The following SLC66A2 variants were observed in gnomAD, a reference collection of about 807,000 sequenced individuals.
SLC66A2 encodes the protein PQ loop repeat containing 1.
Under a neutral mutation model 25.5 loss-of-function variants are expected in SLC66A2, and 23 were observed. The observed-to-expected ratio is 0.90, with a 90% CI of 0.65 to 1.28. The LOEUF (loss-of-function observed/expected upper bound fraction) is 1.28, where lower values mean the gene tolerates loss of function less well. Ranked by LOEUF, SLC66A2 falls within the 50% of genes most tolerant of loss-of-function variation. SLC66A2 has a pLI of 0.00. For missense variants in SLC66A2, 396 were observed against 373.1 expected (o/e 1.06, Z -0.51); for synonymous variants, 193 against 166.5 (o/e 1.16, Z -1.23).
chr18:79,919,378 C>T lies in SLC66A2; in HGVS notation c.414G>A (p.Trp138Ter). The T allele has an allele frequency of 6.2e-7, 1 of 1,613,038 alleles. No homozygotes were observed. Among genetic ancestry groups the T allele is most frequent in the Non-Finnish European group, 8.5e-7 (1 of 1,180,004 alleles). ...SFLDFDPHHF[W>*]QWSSFSDYVQ... ...CGTAGTCCGAGAAGCTGCTCCACTGCCAGAAGTGGTGGGGGTCGAAGTCTA... is the reference window on the plus strand; with the variant it reads ...CGTAGTCCGAGAAGCTGCTCCACTGTCAGAAGTGGTGGGGGTCGAAGTCTA... Residue 138 changes from tryptophan (W) to a stop codon, truncating the protein, a stop_gained, in exon 5 of 6, where the codon TGG becomes TGA. Transcript: ENST00000397778. LOFTEE classifies it high-confidence loss of function.
At chr18:79,939,117 T>C (rs1204799733) in intron 3 of SLC66A2, among the ~76,000 whole-genome samples, 1 of 152,258 alleles carries the variant, frequency 6.6e-6, no homozygotes, top group Non-Finnish European at 1.5e-5. Flanking sequence ...TTCTTTTATA[T>C]TAACTTTCAA....
At chr18:79,930,073 T>C (rs1417213305) in intron 4 of SLC66A2, among the ~76,000 whole-genome samples, 1 of 152,030 alleles carries the variant, frequency 6.6e-6, no homozygotes, top group Non-Finnish European at 1.5e-5. Flanking sequence ...TTCCCAAATA[T>C]GATGAAAATA....
intron 3 of SLC66A2, 96 bp downstream of exon 3, chr18:79,943,233 T>A: frequency 6.9e-7 from 1 of 1,442,286 alleles, no homozygotes; most frequent in African/African-American, 1.4e-5. Flanking sequence ...AAATGAAAGC[T>A]GCTTGGATCA....
intron 5 of SLC66A2, chr18:79,915,414 T>TCCGAG (rs1757828175): frequency 6.6e-6 from 1 of 152,132 alleles, no homozygotes; most frequent in East Asian, 1.9e-4. Flanking sequence ...ACTCCATCAC[T>TCCGAG]CCGAGCCGAC....
chr18:79,945,875 G>A (rs1422294888), intron 2 of SLC66A2, among the ~76,000 whole-genome samples: 6 of 152,306 alleles, frequency 3.9e-5, no homozygotes, highest in South Asian at 2.1e-4. Context: ...CCTGGGTGCC[G>A]GTCAACCCAC....
At chr18:79,929,583 A>G (rs1318461293) in intron 4 of SLC66A2, among the ~76,000 whole-genome samples, 2 of 152,332 alleles carry the variant, frequency 1.3e-5, no homozygotes, top group African/African-American at 4.8e-5. Context: ...AAAAAATAAT[A>G]AGCAGGACAC....
chr18:79,942,568 T>C (rs999545740), intron 3 of SLC66A2, among the ~76,000 whole-genome samples: 2 of 152,198 alleles, frequency 1.3e-5, no homozygotes, highest in Non-Finnish European at 2.9e-5. Flanking sequence ...CTCCAAGTGA[T>C]AGCTGAGATC....
chr18:79,912,675 G>A (rs1983414970), intron 5 of SLC66A2, among the ~76,000 whole-genome samples: 1 of 152,124 alleles, frequency 6.6e-6, no homozygotes, highest in South Asian at 2.1e-4. Context: ...TGCTTCCTGG[G>A]GTGCGGAAAA....
intron 3 of SLC66A2, among the ~76,000 whole-genome samples, chr18:79,939,281 G>A (rs1053721972): frequency 3.9e-5 from 6 of 152,106 alleles, no homozygotes; most frequent in African/African-American, 9.7e-5. Context: ...TGTCCTCATC[G>A]GTCTGCCAAG....
At chr18:79,945,600 G>A (rs981479275) in intron 2 of SLC66A2, among the ~76,000 whole-genome samples, 9 of 152,224 alleles carry the variant, frequency 5.9e-5, no homozygotes, top group South Asian at 2.1e-4. Context: ...TGATGGGCCC[G>A]GGGATAGAGG....
chr18:79,937,352 G>A lies in SLC66A2; in HGVS notation c.338-3330C>T, dbSNP rs765541539. Among the ~76,000 whole-genome samples the A allele has an allele frequency of 6.6e-5, 10 of 152,138 alleles. No individual in the cohort carries two copies. Among genetic ancestry groups the A allele is most frequent in the East Asian group, 1.9e-4 (1 of 5,194 alleles). On this transcript the variant is annotated intron_variant, in intron 3 of 5. Transcript: ENST00000397778. The surrounding 1 kb of genome is among the most constrained non-coding windows in gnomAD (Gnocchi z 5.4). Reference sequence around the variant, plus strand: ...CCAGCAGCATCTGACGCGGCTCCCCGGCCAGAGGGAAGAACTGGAGCATTA... The same window carrying A: ...CCAGCAGCATCTGACGCGGCTCCCCAGCCAGAGGGAAGAACTGGAGCATTA...
chr18:79,943,274 G>C, intron 3 of SLC66A2, 55 bp downstream of exon 3: 2 of 1,581,514 alleles, frequency 1.3e-6, no homozygotes, highest in Non-Finnish European at 8.6e-7. Context: ...TGTTTCACCA[G>C]AGTCACCTAC....
Position 79,941,701 on chromosome 18 carries a change from A to G in SLC66A2, c.337+1628T>C, listed in dbSNP as rs1987684486. ...CTTCTAGGGGTATCCCAGTGTTCCAACACACACTCACATTAAACCCCACGC... is the reference window on the plus strand; with the variant it reads ...CTTCTAGGGGTATCCCAGTGTTCCAGCACACACTCACATTAAACCCCACGC... On this transcript the variant is annotated intron_variant, in intron 3 of 5. Transcript: ENST00000397778. This position sits in a 1 kb window ranked among gnomAD's most constrained non-coding sequence, Gnocchi z 4.1. 6.6e-6 allele frequency: 1 copy of G among 152,234 alleles called. No individual in the cohort carries two copies. The highest frequency in any genetic ancestry group is 1.5e-5 in the Non-Finnish European group (1 of 68,064). 9.4% of individuals were successfully genotyped at this position (152,234 alleles called of 1,614,324 possible). A position where few individuals can be genotyped will look rare whatever the true frequency, so the allele number is the denominator to read the frequency against.
Position 79,917,671 on chromosome 18 carries a change from C to T in SLC66A2, c.608+1513G>A, listed in dbSNP as rs1488185271. ...GCCTTTTGGGCTCCACACCGAAGCCCTCAGGGCTGCCACTGCCCAACCCAA... is the reference window on the plus strand; with the variant it reads ...GCCTTTTGGGCTCCACACCGAAGCCTTCAGGGCTGCCACTGCCCAACCCAA... On this transcript the variant is annotated intron_variant, in intron 5 of 5. Coordinates refer to ENST00000397778, the MANE Select transcript of SLC66A2 (RefSeq NM_025078.5). This position sits in a 1 kb window ranked among gnomAD's most constrained non-coding sequence, Gnocchi z 6.0. 6.6e-6 allele frequency among the ~76,000 whole-genome samples: 1 copy of T among 152,066 alleles called. No homozygotes were observed. The highest frequency in any genetic ancestry group is 1.5e-5 in the Non-Finnish European group (1 of 67,962).
rs970617885 is a variant in SLC66A2 at position 79,917,564 on chromosome 18, C to T, written c.608+1620G>A. Among the ~76,000 whole-genome samples the T allele has an allele frequency of 2.0e-5, 3 of 152,114 alleles. No individual in the cohort carries two copies. Among genetic ancestry groups the T allele is most frequent in the Non-Finnish European group, 2.9e-5 (2 of 67,988 alleles). On this transcript the variant is annotated intron_variant, in intron 5 of 5. Coordinates refer to ENST00000397778, the MANE Select transcript of SLC66A2 (RefSeq NM_025078.5). The surrounding 1 kb of genome is among the most constrained non-coding windows in gnomAD (Gnocchi z 6.0). ...TGGGGTGGCTGGGGACGCCACACTCCGCCGGACAAGGCCCACGTCCAGCCG... is the reference window on the plus strand; with the variant it reads ...TGGGGTGGCTGGGGACGCCACACTCTGCCGGACAAGGCCCACGTCCAGCCG...
chr18:79,904,215 G>A lies in SLC66A2; in HGVS notation c.609-32C>T, dbSNP rs1981670914. ...AGACACAAGCAGGCGGTCAGCGGTG[G>A]GGAGGGCGGCGACCTGGGCTCAGTC... is the stretch of plus-strand genomic sequence containing the variant. On this transcript the variant is annotated intron_variant, in intron 5 of 5. Coordinates refer to ENST00000397778, the MANE Select transcript of SLC66A2 (RefSeq NM_025078.5). The surrounding 1 kb of genome is among the most constrained non-coding windows in gnomAD (Gnocchi z 6.3). 2 of 1,601,484 alleles carry A rather than the reference G, an allele frequency of 1.2e-6. No homozygotes were observed. The highest frequency in any genetic ancestry group is 2.2e-5 in the East Asian group (1 of 44,730).
Position 79,950,923 on chromosome 18 carries a change from C to G in SLC66A2, c.4G>C (p.Glu2Gln). The change falls in exon 2 of 6, where the codon GAG becomes CAG. Residue 2 changes from glutamate (E) to glutamine (Q), a missense_variant. Physicochemically the swap from Glu to Gln is conservative, Grantham distance 29. Transcript: ENST00000397778. ...AGGAGCCAGTCCAGGCCCTCGGCCT[C>G]CATCGCAGCGCCCGCCTGGCCGAGG... M[E>Q]AEGLDWLLVP... is the part of the protein sequence containing the mutation. The G allele has an allele frequency of 6.4e-7, 1 of 1,554,402 alleles. No homozygotes were observed. Among genetic ancestry groups the G allele is most frequent in the Non-Finnish European group, 8.7e-7 (1 of 1,148,764 alleles).
At chr18:79,945,962 C>A (rs555822800) in intron 2 of SLC66A2, among the ~76,000 whole-genome samples, 8 of 152,346 alleles carry the variant, frequency 5.3e-5, no homozygotes, top group African/African-American at 1.9e-4. Context: ...CACACGGAGG[C>A]CACTTCACAC....
chr18:79,942,150 C>T (rs71367559), intron 3 of SLC66A2, among the ~76,000 whole-genome samples: 3,545 of 152,316 alleles, frequency 0.023, 55 homozygotes, highest in African/African-American at 0.039. Flanking sequence ...TAAAAGCCTG[C>T]TTTCTAGGCA....
Sources: gnomAD v4.1 joint callset for allele counts (sites outside exome capture counted in the v4.1 genomes callset) on GRCh38, gnomAD v4.1.1 for gene constraint, Gnocchi (gnomAD v3.1) non-coding constraint, MANE v1.5 for transcripts, NCBI Gene and HGNC (gene_info 2026-07-23, HGNC 2026-07-21) for gene names.